Variants in ACTR3C observed in about 807,000 individuals in gnomAD.
ACTR3C encodes actin-related protein 3C.
In ACTR3C, 18 loss-of-function variants were observed where a neutral mutation model predicts 26.3. That is an observed-to-expected ratio of 0.68 (90% CI 0.47 to 1.01). ACTR3C has a LOEUF of 1.01. ACTR3C is among the 50% of genes least tolerant of loss of function. The probability of loss-of-function intolerance (pLI) is 0.00; values close to 1 mark genes in which losing one functional copy is unlikely to be tolerated. For synonymous variants in ACTR3C, 55 were observed against 94.5 expected (o/e 0.58, Z 2.42); for missense variants, 184 against 250.7 (o/e 0.73, Z 1.80).
chr7:149,978,173 T>C, the ACTR3C span, among the ~76,000 whole-genome samples: 1 of 152,228 alleles, frequency 6.6e-6, no homozygotes, highest in Non-Finnish European at 1.5e-5. Flanking sequence ...TGTACACATG[T>C]TTAGTTGGTT....
chr7:149,961,767 AG>A, the ACTR3C span, among the ~76,000 whole-genome samples: 3 of 152,108 alleles, frequency 2.0e-5, no homozygotes, highest in Non-Finnish European at 4.4e-5. Flanking sequence ...GCTCAAAGGA[AG>A]TGTACACATA....
chr7:150,152,043 C>T, the ACTR3C span, among the ~76,000 whole-genome samples: 4 of 145,796 alleles, frequency 2.7e-5, 1 homozygote, highest in Admixed American at 6.9e-5. Flanking sequence ...TTTTGGGCTG[C>T]GACAATGGGG....
the ACTR3C span, among the ~76,000 whole-genome samples, chr7:150,076,279 C>A: frequency 9.0e-4 from 137 of 151,744 alleles, no homozygotes; most frequent in Non-Finnish European, 1.6e-3. Flanking sequence ...TCTTTAAATA[C>A]ACACAGCAAT....
the ACTR3C span, among the ~76,000 whole-genome samples, chr7:149,943,035 G>A: frequency 6.6e-6 from 1 of 152,064 alleles, no homozygotes; most frequent in Non-Finnish European, 1.5e-5. Context: ...GCCACCCACG[G>A]CTGGAGCCCC....
the ACTR3C span, among the ~76,000 whole-genome samples, chr7:150,086,494 G>A: frequency 6.6e-6 from 1 of 152,014 alleles, no homozygotes; most frequent in East Asian, 1.9e-4. Flanking sequence ...ATTTATCAAG[G>A]CCTCTGCTAC....
the ACTR3C span, among the ~76,000 whole-genome samples, chr7:150,189,016 C>T: frequency 1.1e-4 from 16 of 151,112 alleles, no homozygotes; most frequent in East Asian, 1.4e-3. Context: ...TGAGTTCACA[C>T]GGATACCACC....
rs2261876 is a variant in ACTR3C, at chr7:150,303,892, C to T, written c.-51-8545G>A. 1.5e-4 allele frequency among the ~76,000 whole-genome samples: 23 copies of T among 152,262 alleles called. No individual in the cohort carries two copies. In the East Asian group the frequency reaches 2.9e-3, roughly 19 times the overall value. On this transcript the variant is annotated intron_variant, in intron 1 of 7. Transcript: ENST00000683684. Reference sequence around the variant, plus strand: ...AAAGCATCAATGAATGCAAGCTACACAAACATTTTTATTCATAACAATGGT... The same window carrying T: ...AAAGCATCAATGAATGCAAGCTACATAAACATTTTTATTCATAACAATGGT...
Position 150,275,189 on chromosome 7 carries a change from A to C in ACTR3C, c.564+9564T>G, listed in dbSNP as rs1486764650. ...GCAATAAATCTTGACCTAAGCTAGA[A>C]GAGTGTCAAAAACCTAAATACAGAA... On this transcript the variant is annotated intron_variant, in intron 6 of 7. Transcript: ENST00000683684. Among the ~76,000 whole-genome samples, 10 of 152,368 alleles carry C rather than the reference A, an allele frequency of 6.6e-5. No individual in the cohort carries two copies. The East Asian group carries it at 1.5e-3, about 23-fold the overall frequency.
At chr7:150,043,579 C>G in the ACTR3C span, among the ~76,000 whole-genome samples, 1 of 152,218 alleles carries the variant, frequency 6.6e-6, no homozygotes, top group Non-Finnish European at 1.5e-5. Flanking sequence ...TCATGGCTCC[C>G]ACTTTGTAGG....
At chr7:149,996,566 T>C in the ACTR3C span, among the ~76,000 whole-genome samples, 8 of 151,360 alleles carry the variant, frequency 5.3e-5, no homozygotes, top group South Asian at 1.7e-3. Flanking sequence ...TTTGTAAAAA[T>C]AGCAGTTCTG....
At chr7:150,220,831 C>G in the ACTR3C span, among the ~76,000 whole-genome samples, 1 of 152,302 alleles carries the variant, frequency 6.6e-6, no homozygotes, top group African/African-American at 2.4e-5. Context: ...TTTCCACACC[C>G]CCCTCACCCT....
chr7:150,089,652 C>T, the ACTR3C span, among the ~76,000 whole-genome samples: 3 of 152,310 alleles, frequency 2.0e-5, no homozygotes, highest in East Asian at 1.9e-4. Flanking sequence ...TATTGGAGAC[C>T]TACGCTAGGT....
the ACTR3C span, among the ~76,000 whole-genome samples, chr7:149,996,173 G>C: frequency 4.6e-5 from 7 of 152,294 alleles, no homozygotes; most frequent in Non-Finnish European, 8.8e-5. Flanking sequence ...GAAGCCCTCG[G>C]AAGGCCAGAG....
the ACTR3C span, among the ~76,000 whole-genome samples, chr7:150,038,687 G>C: frequency 1.4e-5 from 2 of 144,782 alleles, no homozygotes; most frequent in African/African-American, 5.3e-5. Context: ...CTTTCTACTT[G>C]GACACCTAAC....
the ACTR3C span, among the ~76,000 whole-genome samples, chr7:150,190,467 T>C: frequency 6.6e-6 from 1 of 152,248 alleles, no homozygotes; most frequent in Non-Finnish European, 1.5e-5. Context: ...CACAAATATT[T>C]TCCCAATTTT....
the ACTR3C span, among the ~76,000 whole-genome samples, chr7:150,006,602 T>C: frequency 6.7e-6 from 1 of 149,422 alleles, no homozygotes; most frequent in East Asian, 2.0e-4. Flanking sequence ...AAGCCAAGGA[T>C]TGGATTCAGC....
chr7:150,018,929 G>GTA, the ACTR3C span, among the ~76,000 whole-genome samples: 1 of 150,182 alleles, frequency 6.7e-6, no homozygotes, highest in Non-Finnish European at 1.5e-5. Context: ...GTGTGTGTGT[G>GTA]TACATATGCA....
At chr7:150,031,336 TG>T in the ACTR3C span, among the ~76,000 whole-genome samples, 373 of 150,778 alleles carry the variant, frequency 2.5e-3, 1 homozygote, top group African/African-American at 8.5e-3. Context: ...CACAGAAGTG[TG>T]AAGGTGAGGC....
chr7:150,171,988 T>A, the ACTR3C span, among the ~76,000 whole-genome samples: 3 of 150,652 alleles, frequency 2.0e-5, no homozygotes, highest in African/African-American at 5.0e-5. Context: ...ATTTTTTGTA[T>A]TTTAGTAGAG....
Sources: allele counts gnomAD v4.1 joint callset (sites outside exome capture counted in the v4.1 genomes callset), GRCh38; gene constraint gnomAD v4.1.1; transcripts MANE v1.5; gene names NCBI Gene and HGNC (gene_info 2026-07-23, HGNC 2026-07-21).